The following PRKN variants were observed in gnomAD, a reference collection of about 807,000 sequenced individuals.
The protein encoded by PRKN is parkin RBR E3 ubiquitin protein ligase.
In PRKN, 56 loss-of-function variants were observed where a neutral mutation model predicts 59.5. The ratio of observed to expected loss-of-function variants is 0.94; its 90% CI spans 0.76 to 1.18. The LOEUF is 1.18. Among genes scored for constraint, PRKN ranks in the 50% most tolerant of loss-of-function variants. The probability of loss-of-function intolerance (pLI) is 0.00; values close to 1 mark genes in which losing one functional copy is unlikely to be tolerated. For missense variants in PRKN, 657 were observed against 596.4 expected (o/e 1.10, Z -1.06); for synonymous variants, 250 against 222.1 (o/e 1.13, Z -1.12).
At chr6:161,952,424 C>T (rs577454003) in intron 6 of PRKN, among the ~76,000 whole-genome samples, 2 of 152,242 alleles carry the variant, frequency 1.3e-5, no homozygotes, top group African/African-American at 2.4e-5. Context: ...TCGAGACCAG[C>T]CTGGCCAACA....
chr6:161,448,615 G>A lies in PRKN; in HGVS notation c.1084-61738C>T, dbSNP rs189901031. ...AGGTAGCATCTATGCTGACGTTCCCGTATATCTTTTCCATCCAAATATTTG... is the reference window on the plus strand; with the variant it reads ...AGGTAGCATCTATGCTGACGTTCCCATATATCTTTTCCATCCAAATATTTG... On this transcript the variant is annotated intron_variant, in intron 9 of 11. Coordinates refer to ENST00000366898, the MANE Select transcript of PRKN (RefSeq NM_004562.3). This position sits in a 1 kb window ranked among gnomAD's most constrained non-coding sequence, Gnocchi z 5.1. 7.8e-4 allele frequency among the ~76,000 whole-genome samples: 118 copies of A among 152,136 alleles called. 1 individual carries two copies. Among genetic ancestry groups the A allele is most frequent in the South Asian group, 4.8e-3 (23 of 4,816 alleles).
chr6:162,412,434 C>T (rs1157522924), intron 2 of PRKN, among the ~76,000 whole-genome samples: 2 of 151,818 alleles, frequency 1.3e-5, no homozygotes, highest in South Asian at 4.2e-4. Flanking sequence ...CCTCCCTATG[C>T]GATGAAAATC....
intron 1 of PRKN, among the ~76,000 whole-genome samples, chr6:162,533,227 A>T (rs1488253867): frequency 6.6e-6 from 1 of 152,218 alleles, no homozygotes; most frequent in East Asian, 1.9e-4. Flanking sequence ...TCAGTTTTAA[A>T]GTAAATACAT....
intron 1 of PRKN, among the ~76,000 whole-genome samples, chr6:162,645,264 G>A (rs1185075338): frequency 3.9e-5 from 6 of 152,050 alleles, no homozygotes; most frequent in Non-Finnish European, 5.9e-5. Context: ...CAAAAAAAAG[G>A]AAAAGAAATA....
At chr6:162,235,023 G>A (rs1399354356) in intron 3 of PRKN, among the ~76,000 whole-genome samples, 1 of 152,106 alleles carries the variant, frequency 6.6e-6, no homozygotes, top group East Asian at 1.9e-4. Flanking sequence ...AGTGTTAGGT[G>A]AATAAAATAT....
chr6:162,596,106 C>T (rs1274960137), intron 1 of PRKN, among the ~76,000 whole-genome samples: 1 of 152,088 alleles, frequency 6.6e-6, no homozygotes, highest in Non-Finnish European at 1.5e-5. Flanking sequence ...CTGTAGACAT[C>T]TCAAAGCAGG....
chr6:161,574,810 T>C (rs1339275064), intron 7 of PRKN, among the ~76,000 whole-genome samples: 3 of 152,206 alleles, frequency 2.0e-5, no homozygotes, highest in African/African-American at 4.8e-5. Flanking sequence ...TTCTGTCCTT[T>C]CTAACATGGG....
chr6:162,243,687 C>A (rs188224400), intron 3 of PRKN, among the ~76,000 whole-genome samples: 1 of 152,190 alleles, frequency 6.6e-6, no homozygotes, highest in African/African-American at 2.4e-5. Context: ...TTTAGTGTAA[C>A]CTCATTGTGT....
intron 1 of PRKN, among the ~76,000 whole-genome samples, chr6:162,692,758 T>C (rs1435370748): frequency 2.6e-5 from 4 of 152,256 alleles, no homozygotes; most frequent in Non-Finnish European, 4.4e-5. Context: ...TTTACCTTTG[T>C]TGATTTGAAT....
chr6:161,580,725 G>A (rs558602589), intron 7 of PRKN, among the ~76,000 whole-genome samples: 70 of 151,852 alleles, frequency 4.6e-4, no homozygotes, highest in East Asian at 7.8e-4. Context: ...TGATCCACCC[G>A]CCTCGGCCCC....
intron 9 of PRKN, among the ~76,000 whole-genome samples, chr6:161,481,630 C>CA (rs946746899): frequency 1.3e-5 from 2 of 151,526 alleles, no homozygotes; most frequent in South Asian, 2.1e-4. Flanking sequence ...AACAAACAAA[C>CA]AAAAAAACAA....
At chr6:162,205,094 C>T (rs9456753) in intron 3 of PRKN, among the ~76,000 whole-genome samples, 3 of 151,806 alleles carry the variant, frequency 2.0e-5, no homozygotes, top group African/African-American at 4.8e-5. Flanking sequence ...ATCTCTTGAC[C>T]TCATGATCTG....
At chr6:162,657,857 A>T (rs1050409618) in intron 1 of PRKN, among the ~76,000 whole-genome samples, 4 of 152,144 alleles carry the variant, frequency 2.6e-5, no homozygotes, top group Admixed American at 1.3e-4. Context: ...ACTGGCAAAC[A>T]CTGTCACTGG....
At chr6:162,337,437 G>A (rs1390369906) in intron 2 of PRKN, among the ~76,000 whole-genome samples, 1 of 152,164 alleles carries the variant, frequency 6.6e-6, no homozygotes. Context: ...CCATTCTTTA[G>A]ATGAATGCAC....
chr6:162,371,617 A>G (rs942585320), intron 2 of PRKN, among the ~76,000 whole-genome samples: 8 of 152,196 alleles, frequency 5.3e-5, no homozygotes, highest in African/African-American at 1.9e-4. Context: ...TTAAGGTGTT[A>G]TCTGGTATAT....
At chr6:162,674,999 T>C (rs906749354) in intron 1 of PRKN, among the ~76,000 whole-genome samples, 1 of 151,936 alleles carries the variant, frequency 6.6e-6, no homozygotes, top group African/African-American at 2.4e-5. Context: ...AGGAAGCACA[T>C]TTTGGGGCGG....
chr6:162,503,841 G>A (rs1793487266), intron 1 of PRKN, among the ~76,000 whole-genome samples: 1 of 152,190 alleles, frequency 6.6e-6, no homozygotes, highest in Non-Finnish European at 1.5e-5. Flanking sequence ...GGGTGATGGG[G>A]CAAGTGAAGA....
chr6:162,382,855 T>G (rs1786566995), intron 2 of PRKN, among the ~76,000 whole-genome samples: 1 of 152,186 alleles, frequency 6.6e-6, no homozygotes, highest in South Asian at 2.1e-4. Flanking sequence ...TTATGCAGTA[T>G]CTAAATCCTT....
At chr6:161,958,229 G>A (rs183247624) in intron 6 of PRKN, among the ~76,000 whole-genome samples, 3 of 152,240 alleles carry the variant, frequency 2.0e-5, no homozygotes, top group East Asian at 1.9e-4. Context: ...TATCAGTGAC[G>A]TTGTTTATTT....
Sources: allele counts gnomAD v4.1 joint callset (sites outside exome capture counted in the v4.1 genomes callset), GRCh38; gene constraint gnomAD v4.1.1; non-coding constraint Gnocchi (gnomAD v3.1); transcripts MANE v1.5; gene names NCBI Gene and HGNC (gene_info 2026-07-23, HGNC 2026-07-21).